The following KHDRBS3 variants were observed in gnomAD, a reference collection of about 807,000 sequenced individuals.
KHDRBS3 encodes KH RNA binding domain containing, signal transduction associated 3.
KHDRBS3 carries 23 observed loss-of-function variants against 45.6 expected under a neutral mutation model. The observed-to-expected ratio is 0.50, with a 90% CI of 0.36 to 0.72. The LOEUF (loss-of-function observed/expected upper bound fraction) is 0.72, where lower values mean the gene tolerates loss of function less well. Among genes scored for constraint, KHDRBS3 ranks in the 30% least tolerant of loss-of-function variants. KHDRBS3 has a pLI of 0.00. For synonymous variants in KHDRBS3, 162 were observed against 156.5 expected, an observed-to-expected ratio of 1.04 and a Z score of -0.26; for missense variants, 352 against 424.8, an observed-to-expected ratio of 0.83 and a Z score of 1.51.
chr8:135,471,694 T>C (rs1822023152), intron 1 of KHDRBS3, among the ~76,000 whole-genome samples: 1 of 152,180 alleles, frequency 6.6e-6, no homozygotes, highest in Non-Finnish European at 1.5e-5. Context: ...ATGGAACTAA[T>C]GCAAGTTCAC....
chr8:135,513,610 A>C, intron 1 of KHDRBS3, among the ~76,000 whole-genome samples: 1 of 152,236 alleles, frequency 6.6e-6, no homozygotes, highest in African/African-American at 2.4e-5. Flanking sequence ...AGTTCTTCTT[A>C]TTACTTAGCC....
In KHDRBS3 at chr8:135,609,418, C is replaced by T. The variant is rs188505258; in HGVS notation, c.890+2381C>T. 9.2e-5 allele frequency among the ~76,000 whole-genome samples: 14 copies of T among 151,960 alleles called. No homozygotes were observed. The East Asian group carries it at 1.5e-3, about 17-fold the overall frequency. ...TAAGGAATTCTTGTGCCTCAACCTC[C>T]GGAGTAGCTGAGATTACAGGCATGT... On this transcript the variant is annotated intron_variant, in intron 7 of 8. Coordinates refer to ENST00000355849, the MANE Select transcript of KHDRBS3 (RefSeq NM_006558.3).
chr8:135,524,697 GT>G (rs1226079194), intron 2 of KHDRBS3, among the ~76,000 whole-genome samples: 1,652 of 143,924 alleles, frequency 0.011, 26 homozygotes, highest in African/African-American at 0.036. Context: ...CTGTGGCTCT[GT>G]TTTTTTTTTT....
chr8:135,524,420 T>TTGG (rs1313920598), intron 2 of KHDRBS3, among the ~76,000 whole-genome samples: 19 of 152,338 alleles, frequency 1.2e-4, no homozygotes, highest in African/African-American at 4.6e-4. Context: ...ATATATCAGA[T>TTGG]TGGTGTTACT....
At chr8:135,519,956 TTTC>T (rs1353858354) in intron 1 of KHDRBS3, among the ~76,000 whole-genome samples, 3 of 152,286 alleles carry the variant, frequency 2.0e-5, no homozygotes, top group South Asian at 4.1e-4. Context: ...TGTAAAAATC[TTTC>T]TTACTTGTTT....
intron 5 of KHDRBS3, among the ~76,000 whole-genome samples, chr8:135,573,560 TTTACAGA>T (rs1827808439): frequency 6.6e-6 from 1 of 152,188 alleles, no homozygotes; most frequent in Admixed American, 6.5e-5. Context: ...TTAACCCCAG[TTTACAGA>T]TAGGAAAACT....
At chr8:135,571,751 A>G (rs191740428) in intron 5 of KHDRBS3, among the ~76,000 whole-genome samples, 2 of 151,980 alleles carry the variant, frequency 1.3e-5, no homozygotes, top group Admixed American at 6.6e-5. Context: ...AGTTGGGGGA[A>G]CTCTGGCACT....
At chr8:135,506,524 C>T (rs1041418306) in intron 1 of KHDRBS3, among the ~76,000 whole-genome samples, 3 of 151,986 alleles carry the variant, frequency 2.0e-5, no homozygotes, top group East Asian at 3.9e-4. Context: ...CTGCCTCAGC[C>T]GCCCAAGTAG....
At chr8:135,505,245 G>A (rs573253028) in intron 1 of KHDRBS3, among the ~76,000 whole-genome samples, 7 of 152,256 alleles carry the variant, frequency 4.6e-5, no homozygotes, top group African/African-American at 1.2e-4. Flanking sequence ...ACATGCCTGC[G>A]TTTTCCCCCA....
chr8:135,608,697 G>A (rs780126884), intron 7 of KHDRBS3, among the ~76,000 whole-genome samples: 8 of 152,136 alleles, frequency 5.3e-5, no homozygotes, highest in African/African-American at 1.7e-4. Flanking sequence ...GTCATTTAAC[G>A]ACTGGGATAT....
At chr8:135,648,972 G>T (rs147266484), downstream of KHDRBS3, among the ~76,000 whole-genome samples, 2 of 152,004 alleles carry the variant, frequency 1.3e-5, no homozygotes. Context: ...TTCTATGTGC[G>T]TGCATAGGCA....
At chr8:135,582,160 C>T in intron 6 of KHDRBS3, 87 bp downstream of exon 6, 1 of 1,290,246 alleles carries the variant, frequency 7.8e-7, no homozygotes, top group African/African-American at 1.5e-5. Context: ...CGTACGCTTC[C>T]TCACCTTGTT....
intron 6 of KHDRBS3, among the ~76,000 whole-genome samples, chr8:135,595,159 T>C (rs1186480382): frequency 6.6e-6 from 1 of 152,154 alleles, no homozygotes; most frequent in Admixed American, 6.5e-5. Flanking sequence ...GCAAAACTCA[T>C]TGATGGTGCT....
intron 6 of KHDRBS3, among the ~76,000 whole-genome samples, chr8:135,602,738 A>G (rs1377184659): frequency 6.6e-6 from 1 of 152,188 alleles, no homozygotes; most frequent in Non-Finnish European, 1.5e-5. Flanking sequence ...ACCTGGTTGC[A>G]AGTCTCAACT....
intron 7 of KHDRBS3, among the ~76,000 whole-genome samples, chr8:135,617,781 G>A (rs1234293100): frequency 6.6e-6 from 1 of 152,158 alleles, no homozygotes; most frequent in Non-Finnish European, 1.5e-5. Context: ...AGTCTTTTCT[G>A]AGAACGTCTC....
chr8:135,639,848 G>T (rs1398529269), intron 7 of KHDRBS3, among the ~76,000 whole-genome samples: 1 of 152,116 alleles, frequency 6.6e-6, no homozygotes, highest in Non-Finnish European at 1.5e-5. Context: ...ATTCATGAGG[G>T]ATCTGCCCCC....
chr8:135,478,053 A>G (rs1007340866), intron 1 of KHDRBS3, among the ~76,000 whole-genome samples: 2 of 152,108 alleles, frequency 1.3e-5, no homozygotes, highest in African/African-American at 4.8e-5. Context: ...CATGTGAGGG[A>G]TCTAGGTTGC....
chr8:135,481,214 G>A (rs1240099683), intron 1 of KHDRBS3, among the ~76,000 whole-genome samples: 1 of 101,074 alleles, frequency 9.9e-6, no homozygotes. Flanking sequence ...TCTGATTCAT[G>A]AAAGCCACGA....
chr8:135,461,659 C>G (rs1391167371), intron 1 of KHDRBS3, among the ~76,000 whole-genome samples: 2 of 152,174 alleles, frequency 1.3e-5, no homozygotes, highest in Non-Finnish European at 2.9e-5. Flanking sequence ...ATAATTTAAT[C>G]CAAGTCTCTG....
Sources: gnomAD v4.1 joint callset for allele counts (sites outside exome capture counted in the v4.1 genomes callset) on GRCh38, gnomAD v4.1.1 for gene constraint, MANE v1.5 for transcripts, NCBI Gene and HGNC (gene_info 2026-07-23, HGNC 2026-07-21) for gene names.